MSN: variants seen among roughly 807,000 people sequenced by gnomAD.
The protein encoded by MSN is epididymis luminal protein 70.
In MSN, 2 loss-of-function variants were observed where a neutral mutation model predicts 48.0. That is an observed-to-expected ratio of 0.04 (90% CI 0.02 to 0.13). The LOEUF is 0.13. Among genes scored for constraint, MSN ranks in the 10% least tolerant of loss-of-function variants. The pLI is 1.00. For synonymous variants in MSN, 146 were observed against 166.9 expected (o/e 0.87, Z 0.97); for missense variants, 267 against 470.1 (o/e 0.57, Z 3.99).
chrX:65,655,902 G>T (rs1433448982), intron 1 of MSN, among the ~76,000 whole-genome samples: 1 of 111,501 alleles, frequency 9.0e-6, no homozygotes, highest in Non-Finnish European at 1.9e-5. Context: ...AAGTAGCTGG[G>T]ACTACAGGTG....
chrX:65,702,052 G>A (rs1016339661), intron 1 of MSN, among the ~76,000 whole-genome samples: 2 of 101,039 alleles, frequency 2.0e-5, no homozygotes, highest in Admixed American at 1.1e-4. Context: ...GTCGCCTGTC[G>A]CCCATGCTGC....
chrX:65,739,268 C>A, intron 12 of MSN, 74 bp downstream of exon 12: 1 of 977,545 alleles, frequency 1.0e-6, no homozygotes, highest in Non-Finnish European at 1.4e-6. Context: ...CCTAGACCAT[C>A]ATGGGGGATA....
At chrX:65,686,173 T>C (rs949344161) in intron 1 of MSN, among the ~76,000 whole-genome samples, 17 of 113,076 alleles carry the variant, frequency 1.5e-4, no homozygotes, top group Non-Finnish European at 2.1e-4. Context: ...TGGTCACTGG[T>C]CCTGGTCTTA....
upstream of MSN, among the ~76,000 whole-genome samples, chrX:65,664,089 G>A (rs1267911798): frequency 9.1e-6 from 1 of 109,321 alleles, no homozygotes; most frequent in South Asian, 3.9e-4. Flanking sequence ...AGAAATAGTC[G>A]ACTGGATAAA....
chrX:65,685,096 T>C (rs1247009291), intron 1 of MSN, among the ~76,000 whole-genome samples: 2 of 112,129 alleles, frequency 1.8e-5, no homozygotes, highest in African/African-American at 6.5e-5. Flanking sequence ...CTTCATTAAG[T>C]GGAAAATAAA....
intron 1 of MSN, among the ~76,000 whole-genome samples, chrX:65,606,567 C>T (rs2070281196): frequency 8.9e-6 from 1 of 112,128 alleles, no homozygotes; most frequent in Non-Finnish European, 1.9e-5. Context: ...GGACTACAGG[C>T]ATGTGCCACC....
At chrX:65,685,813 T>A (rs2071109622) in intron 1 of MSN, among the ~76,000 whole-genome samples, 1 of 112,368 alleles carries the variant, frequency 8.9e-6, no homozygotes, top group African/African-American at 3.2e-5. Context: ...CTTGAACTGT[T>A]GGCTTCAAGC....
chrX:65,634,224 C>T (rs2070580741), intron 1 of MSN, among the ~76,000 whole-genome samples: 1 of 112,280 alleles, frequency 8.9e-6, no homozygotes, highest in Admixed American at 9.4e-5. Context: ...AACCCAGAGC[C>T]ATGGTGGCAG....
At chrX:65,645,002 A>G (rs2070684573) in intron 1 of MSN, among the ~76,000 whole-genome samples, 1 of 112,643 alleles carries the variant, frequency 8.9e-6, no homozygotes, top group Non-Finnish European at 1.9e-5. Flanking sequence ...ATCTCAGAAC[A>G]GAGCTAACAA....
At chrX:65,649,655 A>ATG (rs1049360559) in intron 1 of MSN, among the ~76,000 whole-genome samples, 4 of 103,067 alleles carry the variant, frequency 3.9e-5, no homozygotes, top group Non-Finnish European at 5.9e-5. Flanking sequence ...GTGTGTGTAT[A>ATG]TGTGTGTGTG....
At chrX:65,618,798 A>C (rs1238660012) in intron 1 of MSN, among the ~76,000 whole-genome samples, 2 of 110,842 alleles carry the variant, frequency 1.8e-5, no homozygotes, top group African/African-American at 6.6e-5. Flanking sequence ...GTTTCTTCCT[A>C]GTCTTGATGG....
chrX:65,721,526 C>G (rs2071516505), intron 2 of MSN, among the ~76,000 whole-genome samples: 2 of 110,142 alleles, frequency 1.8e-5, no homozygotes, highest in South Asian at 7.7e-4. Flanking sequence ...GTACTTAGGA[C>G]TTGAATACTC....
intron 1 of MSN, among the ~76,000 whole-genome samples, chrX:65,676,981 C>T (rs1005435381): frequency 1.4e-4 from 16 of 110,474 alleles, no homozygotes; most frequent in African/African-American, 3.3e-4. Context: ...TGCGCCGCCA[C>T]GCCCGGCTAA....
intron 1 of MSN, among the ~76,000 whole-genome samples, chrX:65,609,162 G>C (rs1386070066): frequency 9.4e-6 from 1 of 106,401 alleles, no homozygotes; most frequent in Non-Finnish European, 1.9e-5. Flanking sequence ...GTGGGGAGTA[G>C]GGAAGGGAAG....
At chrX:65,672,723 G>C (rs1021716125) in intron 1 of MSN, among the ~76,000 whole-genome samples, 1 of 111,366 alleles carries the variant, frequency 9.0e-6, no homozygotes, top group African/African-American at 3.3e-5. Flanking sequence ...CCTTTCTTCA[G>C]GCCCTCTGTC....
At chrX:65,666,441 C>T (rs2070870893), upstream of MSN, among the ~76,000 whole-genome samples, 1 of 110,403 alleles carries the variant, frequency 9.1e-6, no homozygotes, top group African/African-American at 3.3e-5. Flanking sequence ...ATTCTCCCTC[C>T]TCAGCCTCCC....
intron 1 of MSN, among the ~76,000 whole-genome samples, chrX:65,657,463 G>C (rs192025280): frequency 1.8e-5 from 2 of 110,965 alleles, no homozygotes; most frequent in East Asian, 2.9e-4. Context: ...GGGCTGGGGG[G>C]GCTGATGACT....
intron 1 of MSN, chrX:65,624,862 GAAGGAAGGAAGA>G (rs1056239380): frequency 6.4e-5 from 7 of 109,943 alleles, no homozygotes; most frequent in Non-Finnish European, 1.3e-4. Context: ...AAGAAAAAAA[GAAGGAAGGAAGA>G]AAGGAAGGAA....
intron 1 of MSN, among the ~76,000 whole-genome samples, chrX:65,596,136 C>T (rs1056673247): frequency 7.2e-5 from 8 of 110,727 alleles, no homozygotes; most frequent in African/African-American, 2.6e-4. Context: ...TTACCTGAAG[C>T]CACAGAGTAA....
Sources: allele counts gnomAD v4.1 joint callset (sites outside exome capture counted in the v4.1 genomes callset), GRCh38; gene constraint gnomAD v4.1.1; transcripts MANE v1.5; gene names NCBI Gene and HGNC (gene_info 2026-07-23, HGNC 2026-07-21).